KATNIP: variants seen among roughly 807,000 people sequenced by gnomAD.
KATNIP encodes katanin-interacting protein.
Under a neutral mutation model 174.0 loss-of-function variants are expected in KATNIP, and 126 were observed. The observed-to-expected ratio is 0.72, with a 90% confidence interval of 0.63 to 0.84. The LOEUF is 0.84. Among genes scored for constraint, KATNIP ranks in the 40% least tolerant of loss-of-function variants. KATNIP has a pLI of 0.00. For synonymous variants in KATNIP, 810 were observed against 835.7 expected (o/e 0.97, Z 0.53); for missense variants, 1,958 against 2,109.7 (o/e 0.93, Z 1.41).
chr16:27,642,914 G>C (rs952563591), intron 5 of KATNIP, among the ~76,000 whole-genome samples: 1 of 151,920 alleles, frequency 6.6e-6, no homozygotes, highest in African/African-American at 2.4e-5. Context: ...AGCCCAGGTG[G>C]GACACATTTA....
In KATNIP at chr16:27,703,813, C is replaced by G. The variant is rs1054015169; in HGVS notation, c.1287-83C>G. 8 of 1,028,502 alleles carry G rather than the reference C, an allele frequency of 7.8e-6. No individual in the cohort carries two copies. The East Asian group carries it at 1.2e-4, about 15-fold the overall frequency. The allele number at this position is 1,028,502 out of a possible 1,614,324, so 63.7% of individuals were successfully genotyped here. A position where few individuals can be genotyped will look rare whatever the true frequency, so the allele number is the denominator to read the frequency against. Reference sequence around the variant, plus strand: ...TCCCCTTCAAATCATTTCCTATCCCCGAGTGCAGCACTTTTGATTGGAATG... The same window carrying G: ...TCCCCTTCAAATCATTTCCTATCCCGGAGTGCAGCACTTTTGATTGGAATG... On this transcript the variant is annotated intron_variant, in intron 11 of 27. Coordinates refer to ENST00000261588, the MANE Select transcript of KATNIP (RefSeq NM_015202.5).
chr16:27,758,829 T>C (rs2081837750), intron 18 of KATNIP, among the ~76,000 whole-genome samples: 1 of 152,208 alleles, frequency 6.6e-6, no homozygotes, highest in Non-Finnish European at 1.5e-5. Context: ...TCTTTCATAG[T>C]GTTCATCACT....
chr16:27,724,813 G>T (rs1036131772), intron 14 of KATNIP, among the ~76,000 whole-genome samples: 1 of 152,194 alleles, frequency 6.6e-6, no homozygotes, highest in Non-Finnish European at 1.5e-5. Flanking sequence ...GGTAGACAAG[G>T]CTTGTTAATA....
chr16:27,604,916 A>G (rs2075652538), intron 2 of KATNIP, among the ~76,000 whole-genome samples: 1 of 152,114 alleles, frequency 6.6e-6, no homozygotes, highest in Admixed American at 6.6e-5. Context: ...AAGTAAACTC[A>G]TTCAAGTTTT....
chr16:27,612,764 G>GA (rs958587469), intron 2 of KATNIP, among the ~76,000 whole-genome samples: 17 of 146,170 alleles, frequency 1.2e-4, no homozygotes, highest in South Asian at 2.2e-4. Flanking sequence ...TTCTCAAAAA[G>GA]AAAAAAAAAA....
At chr16:27,705,833 A>C (rs1213136604) in intron 12 of KATNIP, among the ~76,000 whole-genome samples, 1 of 151,874 alleles carries the variant, frequency 6.6e-6, no homozygotes, top group East Asian at 1.9e-4. Context: ...CCCCCAGCAC[A>C]CCTGGCTGTT....
chr16:27,604,246 A>G (rs1168999685), intron 2 of KATNIP, among the ~76,000 whole-genome samples: 1 of 152,024 alleles, frequency 6.6e-6, no homozygotes, highest in Non-Finnish European at 1.5e-5. Flanking sequence ...CTACAGGCAC[A>G]TGCCATCATG....
At chr16:27,594,041 C>G (rs1055901921) in intron 2 of KATNIP, among the ~76,000 whole-genome samples, 5 of 151,672 alleles carry the variant, frequency 3.3e-5, no homozygotes, top group Non-Finnish European at 7.4e-5. Flanking sequence ...AAAAAGAAAC[C>G]AGGGCTTGCT....
At chr16:27,673,786 A>G (rs536975222) in intron 6 of KATNIP, among the ~76,000 whole-genome samples, 5 of 152,276 alleles carry the variant, frequency 3.3e-5, no homozygotes, top group Non-Finnish European at 7.4e-5. Flanking sequence ...GGATTTGTTC[A>G]TCTATTTTTA....
chr16:27,768,282 T>G (rs1264663670), intron 20 of KATNIP, among the ~76,000 whole-genome samples: 1 of 152,166 alleles, frequency 6.6e-6, no homozygotes, highest in African/African-American at 2.4e-5. Flanking sequence ...GGCAAATCAC[T>G]TAGTCCCTGT....
At position 27,678,659 on chromosome 16, in the gene KATNIP, A is replaced by C. The variant is rs533567325; in HGVS notation, c.808+663A>C. Among the ~76,000 whole-genome samples, 7 of 152,358 alleles carry C rather than the reference A, an allele frequency of 4.6e-5. No individual in the cohort carries two copies. The South Asian group carries it at 1.4e-3, about 32-fold the overall frequency. On this transcript the variant is annotated intron_variant, in intron 7 of 27. Transcript: ENST00000261588. Reference sequence around the variant, plus strand: ...CTGGTTCTCCAACCCACACGGGGTCACATGCTGTCTTGGATTGGATCACCG... The same window carrying C: ...CTGGTTCTCCAACCCACACGGGGTCCCATGCTGTCTTGGATTGGATCACCG...
chr16:27,697,996 C>T (rs1567313037), intron 8 of KATNIP, among the ~76,000 whole-genome samples: 1 of 152,160 alleles, frequency 6.6e-6, no homozygotes, highest in Non-Finnish European at 1.5e-5. Flanking sequence ...AACCACAGTA[C>T]ACTAACAAAA....
intron 7 of KATNIP, among the ~76,000 whole-genome samples, chr16:27,678,774 C>T (rs924803400): frequency 1.3e-5 from 2 of 152,110 alleles, no homozygotes; most frequent in African/African-American, 4.8e-5. Flanking sequence ...GCTCTCATCT[C>T]CAAAAGAAAC....
At chr16:27,610,957 TTC>T (rs2075872516) in intron 2 of KATNIP, among the ~76,000 whole-genome samples, 1 of 152,196 alleles carries the variant, frequency 6.6e-6, no homozygotes, top group South Asian at 2.1e-4. Flanking sequence ...CCACCTTTGC[TTC>T]GAGTTGTCCC....
chr16:27,686,531 T>C (rs921403585), intron 8 of KATNIP, among the ~76,000 whole-genome samples: 11 of 152,218 alleles, frequency 7.2e-5, no homozygotes, highest in Non-Finnish European at 8.8e-5. Flanking sequence ...TTTTATCCTC[T>C]AACAATCTAT....
chr16:27,617,864 G>C (rs966431281), intron 2 of KATNIP, among the ~76,000 whole-genome samples: 1 of 152,038 alleles, frequency 6.6e-6, no homozygotes, highest in Non-Finnish European at 1.5e-5. Context: ...CCCCCGCCAA[G>C]TAGCTGGGAC....
intron 6 of KATNIP, among the ~76,000 whole-genome samples, chr16:27,666,389 G>A (rs1273045361): frequency 6.9e-6 from 1 of 144,344 alleles, no homozygotes; most frequent in East Asian, 2.4e-4. Context: ...GTAGGGGAAT[G>A]AGTTTTTGTT....
intron 6 of KATNIP, chr16:27,654,771 G>T: frequency 7.4e-7 from 1 of 1,350,898 alleles, no homozygotes; most frequent in Non-Finnish European, 9.8e-7. Context: ...ACCCCTAAGG[G>T]CTGGGGATCT....
intron 17 of KATNIP, among the ~76,000 whole-genome samples, chr16:27,752,904 T>C (rs2143846937): frequency 6.6e-6 from 1 of 152,026 alleles, no homozygotes; most frequent in African/African-American, 2.4e-5. Flanking sequence ...TCAATTCAAG[T>C]CAGGACCAAT....
Sources: gnomAD v4.1 joint callset for allele counts (sites outside exome capture counted in the v4.1 genomes callset) on GRCh38, gnomAD v4.1.1 for gene constraint, MANE v1.5 for transcripts, NCBI Gene and HGNC (gene_info 2026-07-23, HGNC 2026-07-21) for gene names.